Variants in C9orf72 observed in about 807,000 individuals in gnomAD.
C9orf72 encodes C9orf72-SMCR8 complex subunit.
C9orf72 carries 44 observed loss-of-function variants against 51.6 expected under a neutral mutation model. That is an observed-to-expected ratio of 0.85 (90% CI 0.67 to 1.10). The LOEUF (loss-of-function observed/expected upper bound fraction) is 1.10. C9orf72 is among the 50% of genes least tolerant of loss of function. C9orf72 has a pLI of 0.00. For synonymous variants in C9orf72, 213 were observed against 194.2 expected, an observed-to-expected ratio of 1.10 and a Z score of -0.81; for missense variants, 607 against 570.6, an observed-to-expected ratio of 1.06 and a Z score of -0.65.
intron 1 of C9orf72, among the ~76,000 whole-genome samples, chr9:27,567,444 A>G (rs1264360727): frequency 6.6e-6 from 1 of 152,224 alleles, no homozygotes; most frequent in Non-Finnish European, 1.5e-5. Flanking sequence ...CTTTACACTG[A>G]TATTAAATGT....
intron 1 of C9orf72, among the ~76,000 whole-genome samples, chr9:27,571,784 T>C (rs977480848): frequency 6.6e-6 from 1 of 152,172 alleles, no homozygotes; most frequent in Non-Finnish European, 1.5e-5. Context: ...TGCTGTTTAT[T>C]TTCTCCCAGC....
chr9:27,554,336 T>C (rs1211660282), intron 8 of C9orf72, among the ~76,000 whole-genome samples: 1 of 151,974 alleles, frequency 6.6e-6, no homozygotes, highest in African/African-American at 2.4e-5. Flanking sequence ...TATGCAGCCA[T>C]AAAAACCAGA....
chr9:27,552,994 T>C (rs1456806878), intron 8 of C9orf72, among the ~76,000 whole-genome samples: 1 of 152,150 alleles, frequency 6.6e-6, no homozygotes, highest in African/African-American at 2.4e-5. Context: ...AGGGAAGAGT[T>C]CCTCCTCCTC....
intron 1 of C9orf72, among the ~76,000 whole-genome samples, chr9:27,572,463 CTTTT>C (rs35095891): frequency 6.8e-6 from 1 of 148,056 alleles, no homozygotes; most frequent in Non-Finnish European, 1.5e-5. Context: ...TTAACAGTAT[CTTTT>C]TTTTTTTTGA....
At chr9:27,569,327 G>C (rs1010041902) in intron 1 of C9orf72, among the ~76,000 whole-genome samples, 3 of 152,146 alleles carry the variant, frequency 2.0e-5, no homozygotes, top group African/African-American at 7.2e-5. Flanking sequence ...CAGTGTTCTA[G>C]GCCTTCACAT....
chr9:27,557,387 C>T (rs1051086575), intron 7 of C9orf72, among the ~76,000 whole-genome samples: 4 of 152,228 alleles, frequency 2.6e-5, no homozygotes, highest in African/African-American at 9.6e-5. Context: ...AGGCACTGTG[C>T]TATGAACAGA....
chr9:27,557,354 G>A (rs1485403896), intron 7 of C9orf72, among the ~76,000 whole-genome samples: 4 of 152,118 alleles, frequency 2.6e-5, no homozygotes, highest in Non-Finnish European at 5.9e-5. Context: ...CAGTTACCAT[G>A]TAATAATAAC....
intron 8 of C9orf72, among the ~76,000 whole-genome samples, chr9:27,555,895 T>G (rs1821000987): frequency 6.6e-6 from 1 of 152,100 alleles, no homozygotes; most frequent in Non-Finnish European, 1.5e-5. Flanking sequence ...AAAAGTATAC[T>G]ATAATTCTTT....
intron 1 of C9orf72, among the ~76,000 whole-genome samples, chr9:27,570,759 C>T (rs1188161007): frequency 3.9e-5 from 6 of 151,926 alleles, no homozygotes; most frequent in East Asian, 1.9e-4. Context: ...CCCAGCTACT[C>T]GGGAGGCTGA....
chr9:27,568,771 C>T (rs988157429), intron 1 of C9orf72, among the ~76,000 whole-genome samples: 18 of 151,732 alleles, frequency 1.2e-4, no homozygotes, highest in Non-Finnish European at 2.1e-4. Flanking sequence ...TAAACTACTA[C>T]ATTGCTGGTT....
At chr9:27,572,086 T>A (rs888895513) in intron 1 of C9orf72, among the ~76,000 whole-genome samples, 1 of 152,242 alleles carries the variant, frequency 6.6e-6, no homozygotes, top group Non-Finnish European at 1.5e-5. Flanking sequence ...TGGTTTACTT[T>A]GTTTCTCTGA....
Position 27,556,628 on chromosome 9 carries a change from C to T in C9orf72, c.1024G>A (p.Ala342Thr). ...TGAGCCATGTCTTCTTCTGAAGTGG[C>T]TCTCCAGAAGGCTGTCAGCTCGGAT... ...MRSELTAFWR[A>T]TSEEDMAQDT... The change falls in exon 8 of 11, where the codon GCC becomes ACC. Residue 342 changes from alanine (A) to threonine (T), a missense_variant. Transcript: ENST00000380003. The T allele has an allele frequency of 6.2e-7, 1 of 1,613,978 alleles. No individual in the cohort carries two copies. The highest frequency in any genetic ancestry group is 1.1e-5 in the South Asian group (1 of 91,082).
intron 1 of C9orf72, among the ~76,000 whole-genome samples, chr9:27,573,139 G>A (rs929998743): frequency 1.3e-5 from 2 of 152,160 alleles, no homozygotes; most frequent in Non-Finnish European, 2.9e-5. Context: ...CGGGTCCCCG[G>A]GAAGGAGACA....
At chr9:27,549,063 C>T (rs1482027435) in intron 9 of C9orf72, among the ~76,000 whole-genome samples, 1 of 152,062 alleles carries the variant, frequency 6.6e-6, no homozygotes, top group Non-Finnish European at 1.5e-5. Context: ...AGGATGGTCT[C>T]GATCTCCTGA....
At chr9:27,553,974 C>T (rs1000662028) in intron 8 of C9orf72, among the ~76,000 whole-genome samples, 1 of 152,034 alleles carries the variant, frequency 6.6e-6, no homozygotes, top group African/African-American at 2.4e-5. Flanking sequence ...AATTGCAAAT[C>T]AATTCTCTAG....
intron 1 of C9orf72, among the ~76,000 whole-genome samples, chr9:27,570,025 C>T (rs1402546918): frequency 1.3e-5 from 2 of 152,182 alleles, no homozygotes; most frequent in Non-Finnish European, 2.9e-5. Flanking sequence ...ACAGTTAACT[C>T]TAAGTATGTA....
At position 27,556,574 on chromosome 9, in the gene C9orf72, A is replaced by G. The variant is rs775901504; in HGVS notation, c.1078T>C (p.Phe360Leu). 2 of 1,610,508 alleles carry G rather than the reference A, an allele frequency of 1.2e-6. No homozygotes were observed. The highest frequency in any genetic ancestry group is 1.7e-6 in the Non-Finnish European group (2 of 1,176,806). Residue 360 changes from phenylalanine to leucine, a missense_variant, in exon 8 of 11, where the codon TTT (phenylalanine) becomes CTT (leucine). Physicochemically the swap from Phe to Leu is conservative, Grantham distance 22. Transcript: ENST00000380003. ...AGCATTACGTACAAATCAGGAGTAA[A>G]GCTTTCGTCAGTGTAGATGATCGTA... is the stretch of plus-strand genomic sequence containing the variant. ...QDTIIYTDES[F>L]TPDLNIFQDV...
At chr9:27,550,513 C>G (rs542150484) in intron 9 of C9orf72, 137 bp downstream of exon 9, 6 of 497,412 alleles carry the variant, frequency 1.2e-5, no homozygotes, top group Non-Finnish European at 2.2e-5. Flanking sequence ...GTGTAACTAA[C>G]TTAACTGCAA....
At chr9:27,565,429 G>T in intron 3 of C9orf72, 102 bp downstream of exon 3, 1 of 674,718 alleles carries the variant, frequency 1.5e-6, no homozygotes. Flanking sequence ...CTCCATTAAA[G>T]GCTTATTCGT....
Sources: allele counts gnomAD v4.1 joint callset (sites outside exome capture counted in the v4.1 genomes callset), GRCh38; gene constraint gnomAD v4.1.1; transcripts MANE v1.5; gene names NCBI Gene and HGNC (gene_info 2026-07-23, HGNC 2026-07-21).